Variants in KDM4C observed in about 807,000 individuals in gnomAD.
KDM4C encodes the protein lysine-specific demethylase 4C.
A neutral mutation model predicts 129.3 loss-of-function variants in KDM4C; 81 were observed. The ratio of observed to expected loss-of-function variants is 0.63; its 90% confidence interval spans 0.52 to 0.75. The LOEUF (loss-of-function observed/expected upper bound fraction) is 0.75, where lower values mean the gene tolerates loss of function less well. KDM4C is among the 30% of genes least tolerant of loss of function. The probability of loss-of-function intolerance (pLI) is 0.00; values close to 1 mark genes in which losing one functional copy is unlikely to be tolerated. For synonymous variants in KDM4C, 573 were observed against 456.1 expected (o/e 1.26, Z -3.26); for missense variants, 1,457 against 1,304.0 (o/e 1.12, Z -1.81).
chr9:6,786,733 T>C lies in KDM4C; in HGVS notation c.-17-6239T>C, dbSNP rs868000513. Among the ~76,000 whole-genome samples the C allele has an allele frequency of 5.9e-5, 9 of 152,170 alleles. No homozygotes were observed. The South Asian group carries it at 8.3e-4, about 14-fold the overall frequency. On this transcript the variant is annotated intron_variant, in intron 1 of 21. Coordinates refer to ENST00000381309, the MANE Select transcript of KDM4C (RefSeq NM_015061.6). ...TGATTAAGTTTAGTAATGATAAATA[T>C]AGATTAGGAAGAACTCAAGGAACAG...
chr9:6,913,531 G>C (rs1819712306), intron 8 of KDM4C, among the ~76,000 whole-genome samples: 1 of 152,194 alleles, frequency 6.6e-6, no homozygotes, highest in East Asian at 1.9e-4. Flanking sequence ...ATTTGTGAGA[G>C]GCAGGCAAAG....
intron 2 of KDM4C, 117 bp from the exon 3 acceptor site, chr9:6,805,481 AC>A: frequency 1.9e-6 from 1 of 538,438 alleles, no homozygotes; most frequent in African/African-American, 2.0e-5. Flanking sequence ...TTTTTTTTTT[AC>A]ACATTTGTCA....
chr9:7,102,852 C>T (rs1045597173), intron 17 of KDM4C, among the ~76,000 whole-genome samples: 13 of 152,094 alleles, frequency 8.5e-5, no homozygotes, highest in Non-Finnish European at 1.9e-4. Flanking sequence ...TATGTTTTTC[C>T]ACAACCATTT....
chr9:7,123,209 C>G (rs1014579352), intron 18 of KDM4C, among the ~76,000 whole-genome samples: 4 of 152,152 alleles, frequency 2.6e-5, no homozygotes, highest in Non-Finnish European at 5.9e-5. Flanking sequence ...ATTTCATATC[C>G]TAAGCAGGAA....
intron 15 of KDM4C, among the ~76,000 whole-genome samples, chr9:7,026,281 C>G (rs915500272): frequency 1.3e-5 from 2 of 151,528 alleles, no homozygotes; most frequent in African/African-American, 4.8e-5. Context: ...TATGAAATCC[C>G]TCAGGTTTTG....
chr9:6,863,506 G>C (rs78802006), intron 5 of KDM4C, among the ~76,000 whole-genome samples: 12,727 of 152,068 alleles, frequency 0.084, 1,082 homozygotes, highest in African/African-American at 0.21. Context: ...CATGGTAAGA[G>C]AGAGAAGGGG....
Position 6,986,358 on chromosome 9 carries a change from A to G in KDM4C, c.1369A>G (p.Ser457Gly). ...HIKLSGNSCL[S>G]TSVTEDIKTE... Reference sequence around the variant, plus strand: ...TTTATCCTCAGGAAACAGCTGCTTAAGTACATCTGTAACAGAAGACATAAA... The same window carrying G: ...TTTATCCTCAGGAAACAGCTGCTTAGGTACATCTGTAACAGAAGACATAAA... Residue 457 changes from serine to glycine, a missense_variant, in exon 11 of 22, where the codon AGT (serine) becomes GGT (glycine). Physicochemically the swap from Ser to Gly is moderately conservative, Grantham distance 56. Coordinates refer to ENST00000381309, the MANE Select transcript of KDM4C (RefSeq NM_015061.6). 6.2e-7 allele frequency: 1 copy of G among 1,608,600 alleles called. No homozygotes were observed. The highest frequency in any genetic ancestry group is 8.5e-7 in the Non-Finnish European group (1 of 1,175,498).
intron 17 of KDM4C, among the ~76,000 whole-genome samples, chr9:7,062,135 A>AT (rs1831780127): frequency 6.6e-6 from 1 of 151,916 alleles, no homozygotes; most frequent in African/African-American, 2.4e-5. Context: ...ACACTGGCCA[A>AT]TTTTTTGTAT....
chr9:7,159,146 G>T (rs1409136783), intron 19 of KDM4C, among the ~76,000 whole-genome samples: 1 of 151,380 alleles, frequency 6.6e-6, no homozygotes, highest in Admixed American at 6.6e-5. Context: ...GTTTAACCAG[G>T]ATTGCAATCC....
chr9:7,005,033 A>G (rs1821405271), intron 12 of KDM4C, among the ~76,000 whole-genome samples: 1 of 152,194 alleles, frequency 6.6e-6, no homozygotes, highest in African/African-American at 2.4e-5. Context: ...TTCAGTAAAG[A>G]TTAATTGACA....
At chr9:6,934,790 T>C (rs1168168987) in intron 8 of KDM4C, among the ~76,000 whole-genome samples, 1 of 152,150 alleles carries the variant, frequency 6.6e-6, no homozygotes, top group Non-Finnish European at 1.5e-5. Context: ...GAACTTTAAT[T>C]GGATATGAAC....
intron 17 of KDM4C, among the ~76,000 whole-genome samples, chr9:7,096,347 GTAGT>G (rs1196584523): frequency 1.3e-5 from 2 of 152,148 alleles, no homozygotes; most frequent in Non-Finnish European, 2.9e-5. Flanking sequence ...CACAGCACAG[GTAGT>G]TAAGTGCAGA....
intron 5 of KDM4C, among the ~76,000 whole-genome samples, chr9:6,854,607 G>A (rs1839474595): frequency 1.3e-5 from 2 of 151,676 alleles, no homozygotes; most frequent in Admixed American, 1.3e-4. Context: ...GGTGTAAGAG[G>A]ATGTGTTTTA....
At chr9:6,979,351 A>G (rs908095130) in intron 8 of KDM4C, among the ~76,000 whole-genome samples, 5 of 152,224 alleles carry the variant, frequency 3.3e-5, no homozygotes, top group African/African-American at 1.2e-4. Flanking sequence ...ATTTATATTC[A>G]GAGCCGAGGA....
chr9:6,845,773 G>A (rs1011239455), intron 4 of KDM4C, among the ~76,000 whole-genome samples: 1 of 152,202 alleles, frequency 6.6e-6, no homozygotes, highest in African/African-American at 2.4e-5. Context: ...TAGTCCATTG[G>A]AAGTCAGGTG....
At chr9:7,108,503 C>T (rs1404137815) in intron 18 of KDM4C, among the ~76,000 whole-genome samples, 1 of 152,178 alleles carries the variant, frequency 6.6e-6, no homozygotes, top group Non-Finnish European at 1.5e-5. Flanking sequence ...TCCCAAAGTG[C>T]TGGGATTACA....
chr9:6,769,767 C>T (rs1359964893), intron 1 of KDM4C, among the ~76,000 whole-genome samples: 1 of 152,040 alleles, frequency 6.6e-6, no homozygotes, highest in Admixed American at 6.6e-5. Flanking sequence ...GAGAAAGGGT[C>T]AATGGACACA....
At chr9:6,878,874 A>G (rs2130758145) in intron 5 of KDM4C, among the ~76,000 whole-genome samples, 1 of 152,300 alleles carries the variant, frequency 6.6e-6, no homozygotes, top group South Asian at 2.1e-4. Flanking sequence ...AGGAATTAAG[A>G]ACTGGTAAGA....
At chr9:6,832,471 G>C (rs1185853957) in intron 4 of KDM4C, among the ~76,000 whole-genome samples, 9 of 139,990 alleles carry the variant, frequency 6.4e-5, no homozygotes, top group African/African-American at 2.4e-4. Context: ...TGTCACCCAG[G>C]CTGGAGTGCA....
Sources: gnomAD v4.1 joint callset for allele counts (sites outside exome capture counted in the v4.1 genomes callset) on GRCh38, gnomAD v4.1.1 for gene constraint, MANE v1.5 for transcripts, NCBI Gene and HGNC (gene_info 2026-07-23, HGNC 2026-07-21) for gene names.